SH3KBP1: variants seen among roughly 807,000 people sequenced by gnomAD.
SH3KBP1 encodes the protein SH3 domain-containing kinase-binding protein 1.
A neutral mutation model predicts 50.1 loss-of-function variants in SH3KBP1; 8 were observed. The ratio of observed to expected loss-of-function variants is 0.16; its 90% CI spans 0.09 to 0.29. The LOEUF (loss-of-function observed/expected upper bound fraction) is 0.29. SH3KBP1 is among the 10% of genes least tolerant of loss of function. The probability of loss-of-function intolerance (pLI) is 1.00; values close to 1 mark genes in which losing one functional copy is unlikely to be tolerated. For synonymous variants in SH3KBP1, 227 were observed against 218.6 expected, an observed-to-expected ratio of 1.04 and a Z score of -0.34; for missense variants, 377 against 535.2, an observed-to-expected ratio of 0.70 and a Z score of 2.92.
At chrX:19,791,055 T>C (rs1237804936) in intron 2 of SH3KBP1, among the ~76,000 whole-genome samples, 1 of 111,384 alleles carries the variant, frequency 9.0e-6, no homozygotes, top group Non-Finnish European at 1.9e-5. Context: ...CCCCTGAGTA[T>C]GCTCAAGGCT....
intron 2 of SH3KBP1, among the ~76,000 whole-genome samples, chrX:19,755,675 AAAAG>A (rs913916233): frequency 2.7e-5 from 3 of 112,256 alleles, no homozygotes; most frequent in African/African-American, 6.5e-5. Flanking sequence ...TATACTCAGA[AAAAG>A]AAAGAGAAGC....
At chrX:19,825,851 G>A in intron 2 of SH3KBP1, among the ~76,000 whole-genome samples, 1 of 111,628 alleles carries the variant, frequency 9.0e-6, no homozygotes, top group East Asian at 2.8e-4. Flanking sequence ...TCCAGCCTGG[G>A]TGACAGAGTG....
In SH3KBP1 at chrX:19,594,868, G is replaced by A. The variant is rs191118330; in HGVS notation, c.1057+81C>T. 17 of 770,207 alleles carry A rather than the reference G, an allele frequency of 2.2e-5. No individual in the cohort carries two copies. The East Asian group carries it at 4.8e-4, about 22-fold the overall frequency. 63.5% of individuals were successfully genotyped at this position (770,207 alleles called of 1,213,427 possible). A position where few individuals can be genotyped will look rare whatever the true frequency, so the allele number is the denominator to read the frequency against. ...CTATGGCACTTGAACCAGGAATCCC[G>A]AACTCTACACTGAGGATGATTTGAA... On this transcript the variant is annotated intron_variant, in intron 10 of 17. Coordinates refer to ENST00000397821, the MANE Select transcript of SH3KBP1 (RefSeq NM_031892.3).
chrX:19,689,062 T>C (rs1472242254), intron 5 of SH3KBP1, among the ~76,000 whole-genome samples: 2 of 112,227 alleles, frequency 1.8e-5, no homozygotes. Flanking sequence ...CCTACAGCCA[T>C]GGTGGTATAC....
At chrX:19,694,448 G>A (rs1033527650) in intron 5 of SH3KBP1, among the ~76,000 whole-genome samples, 31 of 110,896 alleles carry the variant, frequency 2.8e-4, no homozygotes, top group Non-Finnish European at 5.7e-4. Context: ...GGCAACAGGA[G>A]CTCCAAGACA....
At chrX:19,687,044 T>G (rs1373822182) in intron 5 of SH3KBP1, among the ~76,000 whole-genome samples, 1 of 112,703 alleles carries the variant, frequency 8.9e-6, no homozygotes, top group Non-Finnish European at 1.9e-5. Context: ...TCCCCTCAAC[T>G]TTTGGCAGCC....
chrX:19,825,919 C>A (rs1010513731), intron 2 of SH3KBP1, among the ~76,000 whole-genome samples: 2 of 111,719 alleles, frequency 1.8e-5, no homozygotes, highest in African/African-American at 6.5e-5. Context: ...TGGCCTCCTT[C>A]CTACCTGGCA....
At chrX:19,760,010 TCTCTCTCTCTCTC>T (rs1417074356) in intron 2 of SH3KBP1, among the ~76,000 whole-genome samples, 2 of 98,494 alleles carry the variant, frequency 2.0e-5, no homozygotes, top group Non-Finnish European at 2.0e-5. Flanking sequence ...TCAGTCTCGG[TCTCTCTCTCTCTC>T]CTCTCTCTCT....
chrX:19,843,080 G>A (rs1012129735), intron 1 of SH3KBP1, among the ~76,000 whole-genome samples: 2 of 92,683 alleles, frequency 2.2e-5, no homozygotes, highest in Admixed American at 1.2e-4. Flanking sequence ...GTGCAATGGC[G>A]TGATCTCGGC....
At chrX:19,656,708 T>A (rs191103046) in intron 6 of SH3KBP1, among the ~76,000 whole-genome samples, 2 of 111,972 alleles carry the variant, frequency 1.8e-5, no homozygotes, top group East Asian at 5.6e-4. Context: ...TGCAGGTGTC[T>A]CTCAGTGCTC....
At chrX:19,875,632 G>A (rs769071214) in intron 1 of SH3KBP1, among the ~76,000 whole-genome samples, 3 of 112,501 alleles carry the variant, frequency 2.7e-5, no homozygotes, top group Non-Finnish European at 5.6e-5. Context: ...AGCACCTCCC[G>A]CCCACCATGG....
rs753100684 is a variant in SH3KBP1, at chrX:19,594,965, G to A, written c.1041C>T (p.Val347=). ...PKKPPPPSAP[V]IKQGAGTTER... is the part of the protein sequence containing the mutation. ...GTACATTACCTGCCCCTTGTTTGAT[G>A]ACAGGAGCGGATGGAGGCGGTGGCT... is the stretch of plus-strand genomic sequence containing the variant. The change falls in exon 10 of 18, where the codon GTC becomes GTT. Residue 347 remains valine (V), a synonymous_variant. Transcript: ENST00000397821. The A allele has an allele frequency of 2.5e-6, 3 of 1,199,944 alleles. No homozygotes were observed. The highest frequency in any genetic ancestry group is 4.6e-4 in the Middle Eastern group (2 of 4,353).
At chrX:19,750,113 AC>A (rs2065020453) in intron 2 of SH3KBP1, among the ~76,000 whole-genome samples, 1 of 111,273 alleles carries the variant, frequency 9.0e-6, no homozygotes, top group African/African-American at 3.3e-5. Flanking sequence ...AGGCTGGAGT[AC>A]AATGGCGTGA....
chrX:19,651,528 A>G (rs1360340398), intron 6 of SH3KBP1, among the ~76,000 whole-genome samples: 1 of 112,387 alleles, frequency 8.9e-6, no homozygotes, highest in African/African-American at 3.2e-5. Flanking sequence ...GGAAAAATAA[A>G]ATTTAAAAAG....
At chrX:19,580,679 G>A (rs775135024) in intron 12 of SH3KBP1, among the ~76,000 whole-genome samples, 56 of 111,571 alleles carry the variant, frequency 5.0e-4, no homozygotes, top group African/African-American at 1.2e-3. Flanking sequence ...CTAAACACCC[G>A]TGATTCGGAT....
At chrX:19,666,775 G>C (rs1488315450) in intron 6 of SH3KBP1, among the ~76,000 whole-genome samples, 1 of 111,640 alleles carries the variant, frequency 9.0e-6, no homozygotes, top group Non-Finnish European at 1.9e-5. Flanking sequence ...AGCCACTGTA[G>C]AAAACAGTAG....
chrX:19,742,589 T>C, intron 3 of SH3KBP1, among the ~76,000 whole-genome samples: 1 of 111,556 alleles, frequency 9.0e-6, no homozygotes, highest in Middle Eastern at 4.6e-3. Flanking sequence ...GTTTGTTTTT[T>C]GAGATGGAGT....
intron 7 of SH3KBP1, among the ~76,000 whole-genome samples, chrX:19,634,987 T>C (rs760900045): frequency 8.7e-4 from 97 of 111,536 alleles, no homozygotes; most frequent in Non-Finnish European, 2.3e-4. Context: ...GGGCTAGACC[T>C]GAGTTCCTGG....
intron 3 of SH3KBP1, among the ~76,000 whole-genome samples, chrX:19,740,396 C>T (rs1035844181): frequency 8.9e-6 from 1 of 112,188 alleles, no homozygotes; most frequent in Non-Finnish European, 1.9e-5. Flanking sequence ...TCATATCTAT[C>T]CCCATTCACT....
Sources: allele counts gnomAD v4.1 joint callset (sites outside exome capture counted in the v4.1 genomes callset), GRCh38; gene constraint gnomAD v4.1.1; transcripts MANE v1.5; gene names NCBI Gene and HGNC (gene_info 2026-07-23, HGNC 2026-07-21).